CSNK1G1: variants seen among roughly 807,000 people sequenced by gnomAD.
The protein encoded by CSNK1G1 is casein kinase 1 gamma 1.
In CSNK1G1, 22 loss-of-function variants were observed where a neutral mutation model predicts 59.6. The observed-to-expected ratio is 0.37, with a 90% confidence interval of 0.26 to 0.53. The LOEUF is 0.53. Among genes scored for constraint, CSNK1G1 ranks in the 20% least tolerant of loss-of-function variants. CSNK1G1 has a pLI of 0.89. For missense variants in CSNK1G1, 384 were observed against 519.5 expected (o/e 0.74, Z 2.54); for synonymous variants, 179 against 177.1 (o/e 1.01, Z -0.08).
In CSNK1G1 at chr15:64,204,907, T is replaced by A; in HGVS notation, c.808A>T (p.Lys270Ter). 6.2e-7 allele frequency: 1 copy of A among 1,612,110 alleles called. No individual in the cohort carries two copies. The highest frequency in any genetic ancestry group is 8.5e-7 in the Non-Finnish European group (1 of 1,178,226). Residue 270 changes from lysine (K) to a stop codon, truncating the protein, a stop_gained, in exon 8 of 12, where the codon AAA becomes TAA. Transcript: ENST00000303052. LOFTEE classifies it high-confidence loss of function. ...KERYQKIGDT[K>*]RNTPIEALCE... ...AGAGCTTCAATGGGAGTATTCCTTTTGGTGTCACCAATTTTTTGATATCTC... is the reference window on the plus strand; with the variant it reads ...AGAGCTTCAATGGGAGTATTCCTTTAGGTGTCACCAATTTTTTGATATCTC...
intron 7 of CSNK1G1, among the ~76,000 whole-genome samples, chr15:64,206,134 C>T (rs530277676): frequency 9.2e-5 from 14 of 152,164 alleles, no homozygotes; most frequent in East Asian, 7.7e-4. Context: ...GGTGAAACCC[C>T]GTCTCTACTA....
chr15:64,258,041 A>G (rs1244128234), intron 3 of CSNK1G1, among the ~76,000 whole-genome samples: 1 of 152,088 alleles, frequency 6.6e-6, no homozygotes, highest in Non-Finnish European at 1.5e-5. Context: ...TCACAAGACA[A>G]CCCTAACTCC....
At chr15:64,295,016 G>A (rs1284610926) in intron 2 of CSNK1G1, among the ~76,000 whole-genome samples, 2 of 151,942 alleles carry the variant, frequency 1.3e-5, no homozygotes, top group South Asian at 2.1e-4. Context: ...TAGATCACAA[G>A]GTCAGGAGAT....
chr15:64,303,445 T>C (rs1392795580), intron 1 of CSNK1G1, among the ~76,000 whole-genome samples: 3 of 151,536 alleles, frequency 2.0e-5, no homozygotes, highest in African/African-American at 4.8e-5. Context: ...GGAGACCCCA[T>C]GTCTACAAAA....
At chr15:64,314,483 TGTG>T (rs1281686600) in intron 1 of CSNK1G1, among the ~76,000 whole-genome samples, 3 of 151,864 alleles carry the variant, frequency 2.0e-5, no homozygotes, top group Non-Finnish European at 4.4e-5. Context: ...TTAACATTTT[TGTG>T]GTAAGAATAT....
chr15:64,316,409 G>A (rs1052127997), intron 1 of CSNK1G1, among the ~76,000 whole-genome samples: 3 of 151,802 alleles, frequency 2.0e-5, no homozygotes, highest in Non-Finnish European at 4.4e-5. Flanking sequence ...GGTGGCACAC[G>A]CCTGTAGTCC....
intron 2 of CSNK1G1, among the ~76,000 whole-genome samples, chr15:64,274,294 A>C (rs900372436): frequency 2.6e-5 from 4 of 152,244 alleles, no homozygotes; most frequent in African/African-American, 9.6e-5. Context: ...AAATTTAGAC[A>C]ATCACTCAGC....
intron 3 of CSNK1G1, among the ~76,000 whole-genome samples, chr15:64,257,425 A>C (rs1440283903): frequency 6.6e-6 from 1 of 152,170 alleles, no homozygotes; most frequent in African/African-American, 2.4e-5. Flanking sequence ...GATTATTCCA[A>C]CTTATCAGAA....
At chr15:64,353,718 C>A (rs559368374) in intron 1 of CSNK1G1, among the ~76,000 whole-genome samples, 1 of 150,800 alleles carries the variant, frequency 6.6e-6, no homozygotes, top group South Asian at 2.1e-4. Flanking sequence ...GTAATCTCAA[C>A]ACTTTGGGAG....
chr15:64,350,653 T>C (rs1274892258), intron 1 of CSNK1G1, among the ~76,000 whole-genome samples: 5 of 152,228 alleles, frequency 3.3e-5, no homozygotes. Context: ...TTTGGTTACA[T>C]GTTCACTGAT....
At chr15:64,211,419 G>A (rs575184175) in intron 6 of CSNK1G1, among the ~76,000 whole-genome samples, 1 of 152,262 alleles carries the variant, frequency 6.6e-6, no homozygotes, top group South Asian at 2.1e-4. Context: ...AATGCAGAGA[G>A]CACAAAATAT....
intron 4 of CSNK1G1, among the ~76,000 whole-genome samples, chr15:64,233,573 CGCAGTAGG>C (rs2082576356): frequency 6.6e-6 from 1 of 152,096 alleles, no homozygotes; most frequent in Non-Finnish European, 1.5e-5. Flanking sequence ...TATTTCATCA[CGCAGTAGG>C]GTACACTGTT....
chr15:64,305,490 G>A (rs879707254), intron 1 of CSNK1G1, among the ~76,000 whole-genome samples: 14 of 151,956 alleles, frequency 9.2e-5, no homozygotes, highest in Non-Finnish European at 4.4e-5. Flanking sequence ...CCACAGTGGG[G>A]AGAATCACTT....
intron 2 of CSNK1G1, among the ~76,000 whole-genome samples, chr15:64,287,232 C>G (rs148504503): frequency 2.2e-4 from 33 of 152,210 alleles, no homozygotes; most frequent in African/African-American, 7.9e-4. Context: ...TTTCTCTCAT[C>G]TTTAAAACGA....
chr15:64,262,847 G>T (rs1050080534), intron 2 of CSNK1G1, among the ~76,000 whole-genome samples: 7 of 152,108 alleles, frequency 4.6e-5, no homozygotes, highest in African/African-American at 1.4e-4. Flanking sequence ...GGGAGACCAA[G>T]GTGGGTGGAT....
chr15:64,311,580 G>A (rs574109270), intron 1 of CSNK1G1, among the ~76,000 whole-genome samples: 6 of 147,324 alleles, frequency 4.1e-5, no homozygotes, highest in South Asian at 2.2e-4. Context: ...TTGAGCCCAC[G>A]AATTCGAAGC....
intron 10 of CSNK1G1, among the ~76,000 whole-genome samples, chr15:64,190,677 G>T (rs1270599646): frequency 6.6e-6 from 1 of 152,182 alleles, no homozygotes. Flanking sequence ...GCCTCCCAAA[G>T]TGCTGGAATT....
At position 64,176,076 on chromosome 15, in the gene CSNK1G1, G is replaced by A. The variant is rs548019679; in HGVS notation, c.1215-4091C>T. ...TAAGATGGGTTTGAAAGAAGGAATA[G>A]ATTAATTCCTGGGTACAGGCCTGCC... is the stretch of plus-strand genomic sequence containing the variant. On this transcript the variant is annotated intron_variant, in intron 11 of 11. Coordinates refer to ENST00000303052, the MANE Select transcript of CSNK1G1 (RefSeq NM_022048.5). The surrounding 1 kb of genome is among the most constrained non-coding windows in gnomAD (Gnocchi z 5.2). Among the ~76,000 whole-genome samples, 2 of 152,336 alleles carry A rather than the reference G, an allele frequency of 1.3e-5. No individual in the cohort carries two copies. The highest frequency in any genetic ancestry group is 4.1e-4 in the South Asian group (2 of 4,830).
At chr15:64,316,535 C>CAAAAAAAAAAAA (rs66620488) in intron 1 of CSNK1G1, among the ~76,000 whole-genome samples, 4 of 94,080 alleles carry the variant, frequency 4.3e-5, no homozygotes, top group Admixed American at 1.2e-4. Context: ...GACTCTGTCT[C>CAAAAAAAAAAAA]AAAAAAAAAA....
Sources: allele counts gnomAD v4.1 joint callset (sites outside exome capture counted in the v4.1 genomes callset), GRCh38; gene constraint gnomAD v4.1.1; non-coding constraint Gnocchi (gnomAD v3.1); transcripts MANE v1.5; gene names NCBI Gene and HGNC (gene_info 2026-07-23, HGNC 2026-07-21).